KITLG: variants seen among roughly 807,000 people sequenced by gnomAD.
KITLG encodes the protein c-Kit ligand.
KITLG carries 13 observed loss-of-function variants against 34.1 expected under a neutral mutation model. The observed-to-expected ratio is 0.38, with a 90% CI of 0.25 to 0.61. The LOEUF (loss-of-function observed/expected upper bound fraction) is 0.61. Ranked by LOEUF, KITLG falls within the 20% of genes least tolerant of loss-of-function variation. The pLI, the probability that KITLG is intolerant of heterozygous loss-of-function variation, is 0.60. For missense variants in KITLG, 292 were observed against 318.9 expected, an observed-to-expected ratio of 0.92 and a Z score of 0.64; for synonymous variants, 110 against 104.0, an observed-to-expected ratio of 1.06 and a Z score of -0.35.
intron 1 of KITLG, among the ~76,000 whole-genome samples, chr12:88,546,253 T>C (rs1429789709): frequency 6.6e-6 from 1 of 152,196 alleles, no homozygotes; most frequent in Non-Finnish European, 1.5e-5. Context: ...ACTTTAAATG[T>C]AGACTGCTTG....
At position 88,507,177 on chromosome 12, in the gene KITLG, A is replaced by G. The variant is rs1869098435; in HGVS notation, c.605-40T>C. On this transcript the variant is annotated intron_variant, in intron 6 of 9. Transcript: ENST00000644744. Reference sequence around the variant, plus strand: ...ACACACTGATGAATACAGCATATCCATTCTAGAAGTTTTGCTCTTATGCTG... The same window carrying G: ...ACACACTGATGAATACAGCATATCCGTTCTAGAAGTTTTGCTCTTATGCTG... 6 of 1,254,738 alleles carry G rather than the reference A, an allele frequency of 4.8e-6. No individual in the cohort carries two copies. The East Asian group carries it at 1.4e-4, about 29-fold the overall frequency. The allele number at this position is 1,254,738 out of a possible 1,614,324, so 77.7% of individuals were successfully genotyped here.
chr12:88,573,394 C>T (rs370576594), intron 1 of KITLG, among the ~76,000 whole-genome samples: 12 of 152,302 alleles, frequency 7.9e-5, no homozygotes, highest in African/African-American at 2.6e-4. Context: ...AAACTCAGCA[C>T]TGTAGGGCCC....
intron 1 of KITLG, among the ~76,000 whole-genome samples, chr12:88,555,051 T>C (rs996069663): frequency 2.0e-5 from 3 of 152,118 alleles, no homozygotes; most frequent in Admixed American, 6.6e-5. Context: ...ATCATTAAAA[T>C]ATGTAATGAA....
intron 6 of KITLG, 24 bp from the exon 7 acceptor site, chr12:88,507,161 T>G: frequency 7.4e-7 from 1 of 1,346,678 alleles, no homozygotes; most frequent in Non-Finnish European, 1.1e-6. Flanking sequence ...AACACACTGA[T>G]GAATACAGCA....
intron 2 of KITLG, among the ~76,000 whole-genome samples, chr12:88,542,629 TAC>T (rs1203925115): frequency 6.6e-6 from 1 of 151,466 alleles, no homozygotes; most frequent in Admixed American, 6.6e-5. Flanking sequence ...AACATTAAAA[TAC>T]ACACACACAC....
At chr12:88,505,116 T>C (rs1285672361) in intron 9 of KITLG, 43 bp downstream of exon 9, 1 of 1,025,852 alleles carries the variant, frequency 9.7e-7, no homozygotes, top group East Asian at 2.5e-5. Flanking sequence ...ACTTAAAGTA[T>C]AATAAAAAAA....
rs150023605 is a variant in KITLG at position 88,523,932 on chromosome 12, C to T, written c.193-5065G>A. ...ATTAAGATGGTAATCAACCAAAGCA[C>T]TCTAAATATGTGTTATTTCCCAGGG... On this transcript the variant is annotated intron_variant, in intron 3 of 9. Coordinates refer to ENST00000644744, the MANE Select transcript of KITLG (RefSeq NM_000899.5). Among the ~76,000 whole-genome samples, 6 of 152,300 alleles carry T rather than the reference C, an allele frequency of 3.9e-5. No homozygotes were observed. The East Asian group carries it at 1.2e-3, about 29-fold the overall frequency.
At chr12:88,579,351 A>C (rs1871934553) in intron 1 of KITLG, among the ~76,000 whole-genome samples, 1 of 152,008 alleles carries the variant, frequency 6.6e-6, no homozygotes, top group South Asian at 2.1e-4. Context: ...ACACATAACA[A>C]TTTCTAAGGG....
At chr12:88,515,467 C>T (rs1174901249) in intron 6 of KITLG, 67 bp downstream of exon 6, 3 of 942,430 alleles carry the variant, frequency 3.2e-6, no homozygotes, top group Admixed American at 1.7e-5. Context: ...TCCTTGAAAG[C>T]CCATGCAATA....
intron 5 of KITLG, 74 bp downstream of exon 5, chr12:88,516,260 G>A: frequency 8.0e-7 from 1 of 1,256,942 alleles, no homozygotes; most frequent in East Asian, 2.3e-5. Context: ...TTAACACAGA[G>A]GTAGATTCTT....
intron 3 of KITLG, among the ~76,000 whole-genome samples, chr12:88,521,082 T>C (rs1472375322): frequency 6.6e-6 from 1 of 152,182 alleles, no homozygotes; most frequent in Non-Finnish European, 1.5e-5. Context: ...GTTTCACTCA[T>C]TTTTTATTTT....
In KITLG at chr12:88,580,429, T is replaced by G; in HGVS notation, c.-151A>C. 1 of 923,894 alleles carries G rather than the reference T, an allele frequency of 1.1e-6. No homozygotes were observed. The highest frequency in any genetic ancestry group is 1.5e-5 in the South Asian group (1 of 68,648). 57.2% of individuals were successfully genotyped at this position (923,894 alleles called of 1,614,324 possible). A position where few individuals can be genotyped will look rare whatever the true frequency, so the allele number is the denominator to read the frequency against. ...CAGCGCCCTCTCCACTGTCCCTGCT[T>G]CCCGCAGCGCTTCTAGTCTCGGCGC... On this transcript the variant is annotated 5_prime_UTR_variant, in exon 1 of 10. Coordinates refer to ENST00000644744, the MANE Select transcript of KITLG (RefSeq NM_000899.5).
In KITLG at chr12:88,557,405, A is replaced by T. The variant is rs141818143; in HGVS notation, c.16-11540T>A. ...TTAGTAACAATGGTTTAAAAAGTAGATCATTAGCTATTCATAAAGCTCTTT... is the reference window on the plus strand; with the variant it reads ...TTAGTAACAATGGTTTAAAAAGTAGTTCATTAGCTATTCATAAAGCTCTTT... On this transcript the variant is annotated intron_variant, in intron 1 of 9. Transcript: ENST00000644744. Among the ~76,000 whole-genome samples, 139 of 152,308 alleles carry T rather than the reference A, an allele frequency of 9.1e-4. 1 individual carries two copies. The highest frequency in any genetic ancestry group is 3.3e-3 in the African/African-American group (136 of 41,562).
intron 3 of KITLG, among the ~76,000 whole-genome samples, chr12:88,529,021 G>T (rs1464007470): frequency 2.6e-5 from 4 of 152,052 alleles, no homozygotes; most frequent in Non-Finnish European, 4.4e-5. Context: ...CTAACACAAA[G>T]AAATTGTAAA....
At chr12:88,520,762 C>A (rs901689706) in intron 3 of KITLG, among the ~76,000 whole-genome samples, 2 of 152,028 alleles carry the variant, frequency 1.3e-5, no homozygotes, top group East Asian at 1.9e-4. Context: ...GTACTTACTG[C>A]CACTTCTGTT....
At chr12:88,517,842 A>C (rs768592702) in intron 4 of KITLG, among the ~76,000 whole-genome samples, 5 of 152,134 alleles carry the variant, frequency 3.3e-5, no homozygotes, top group Non-Finnish European at 7.4e-5. Context: ...TTTAGATGGG[A>C]CACAGGAAAA....
intron 3 of KITLG, among the ~76,000 whole-genome samples, chr12:88,525,582 G>A (rs1869836222): frequency 6.6e-6 from 1 of 152,080 alleles, no homozygotes; most frequent in African/African-American, 2.4e-5. Flanking sequence ...GTTATTATAT[G>A]CACACCACAA....
intron 2 of KITLG, chr12:88,534,741 C>G: frequency 2.0e-6 from 1 of 501,284 alleles, no homozygotes; most frequent in South Asian, 1.5e-5. Context: ...TTGGCGTTAA[C>G]TCCCTTATTC....
intron 3 of KITLG, among the ~76,000 whole-genome samples, chr12:88,532,193 A>T (rs905826459): frequency 6.6e-6 from 1 of 151,980 alleles, no homozygotes; most frequent in Non-Finnish European, 1.5e-5. Context: ...CCTGGAACCA[A>T]TTTCCTAAGG....
Sources: allele counts gnomAD v4.1 joint callset (sites outside exome capture counted in the v4.1 genomes callset), GRCh38; gene constraint gnomAD v4.1.1; transcripts MANE v1.5; gene names NCBI Gene and HGNC (gene_info 2026-07-23, HGNC 2026-07-21).